The following CNTN5 variants were observed in gnomAD, a reference collection of about 807,000 sequenced individuals.
CNTN5 encodes the protein contactin 5.
CNTN5 carries 77 observed loss-of-function variants against 129.1 expected under a neutral mutation model. The observed-to-expected ratio is 0.60, with a 90% CI of 0.50 to 0.72. CNTN5 has a LOEUF of 0.72. Among genes scored for constraint, CNTN5 ranks in the 30% least tolerant of loss-of-function variants. The probability of loss-of-function intolerance (pLI) is 0.00; values close to 1 mark genes in which losing one functional copy is unlikely to be tolerated. For missense variants in CNTN5, 1,478 were observed against 1,328.8 expected, an observed-to-expected ratio of 1.11 and a Z score of -1.75; for synonymous variants, 509 against 465.6, an observed-to-expected ratio of 1.09 and a Z score of -1.20.
intron 3 of CNTN5, among the ~76,000 whole-genome samples, chr11:99,681,710 C>T (rs1953562846): frequency 6.6e-6 from 1 of 151,986 alleles, no homozygotes; most frequent in South Asian, 2.1e-4. Context: ...CAATAATTCC[C>T]AGGTACACCT....
intron 2 of CNTN5, among the ~76,000 whole-genome samples, chr11:99,512,507 C>A (rs1946876708): frequency 6.6e-6 from 1 of 152,120 alleles, no homozygotes; most frequent in Admixed American, 6.6e-5. Flanking sequence ...TGGTTTATTG[C>A]AGTTTGCAGA....
At chr11:99,879,609 T>C (rs1202196047) in intron 6 of CNTN5, among the ~76,000 whole-genome samples, 1 of 152,172 alleles carries the variant, frequency 6.6e-6, no homozygotes, top group Non-Finnish European at 1.5e-5. Flanking sequence ...TTTTCTGATT[T>C]GTTTCATTTT....
At chr11:99,264,578 A>G (rs1384494154) in intron 1 of CNTN5, among the ~76,000 whole-genome samples, 1 of 152,084 alleles carries the variant, frequency 6.6e-6, no homozygotes, top group African/African-American at 2.4e-5. Context: ...GTGATGCAAC[A>G]TGAAGATGAT....
Position 100,055,292 on chromosome 11 carries a change from T to TC in CNTN5, c.981-5919dup, listed in dbSNP as rs1196729753. The stretch of plus-strand genomic sequence containing the variant: ...ACATTAGCTTATGACTTCTTTTTTT[T>TC]CATTACATGCTCTTTTTGATCAGTA... On this transcript the variant is annotated intron_variant, in intron 9 of 24. Coordinates refer to ENST00000524871, the MANE Select transcript of CNTN5 (RefSeq NM_014361.4). Among the ~76,000 whole-genome samples, 3 of 151,822 alleles carry TC rather than the reference T, an allele frequency of 2.0e-5. No homozygotes were observed. In the East Asian group the frequency reaches 5.8e-4, roughly 29 times the overall value.
chr11:99,442,414 C>T (rs1565585597), intron 2 of CNTN5, among the ~76,000 whole-genome samples: 1 of 152,156 alleles, frequency 6.6e-6, no homozygotes, highest in African/African-American at 2.4e-5. Flanking sequence ...AGGTGATCCA[C>T]CCACCTTGGC....
chr11:99,851,201 T>C (rs1947863324), intron 6 of CNTN5, among the ~76,000 whole-genome samples: 1 of 152,092 alleles, frequency 6.6e-6, no homozygotes, highest in African/African-American at 2.4e-5. Flanking sequence ...TAACACTTAG[T>C]TTAGCATTAA....
chr11:99,739,609 G>C (rs1969211), intron 3 of CNTN5, among the ~76,000 whole-genome samples: 34,507 of 152,044 alleles, frequency 0.23, 4,279 homozygotes, highest in Admixed American at 0.35. Context: ...TGGAAAGGTG[G>C]AGGGGCTTGG....
At chr11:99,791,211 C>G (rs772934289) in intron 3 of CNTN5, among the ~76,000 whole-genome samples, 6 of 151,800 alleles carry the variant, frequency 4.0e-5, no homozygotes, top group Non-Finnish European at 5.9e-5. Flanking sequence ...GTCATGAACT[C>G]TTTCTCCATT....
intron 1 of CNTN5, among the ~76,000 whole-genome samples, chr11:99,235,041 C>A (rs540965996): frequency 1.3e-5 from 1 of 74,894 alleles, no homozygotes; most frequent in African/African-American, 8.1e-5. Flanking sequence ...GAAATGAAAC[C>A]TACCCTTTTT....
chr11:99,136,780 G>A (rs954205845), intron 1 of CNTN5, among the ~76,000 whole-genome samples: 2 of 27,962 alleles, frequency 7.2e-5, no homozygotes, highest in Non-Finnish European at 1.3e-4. Flanking sequence ...AAAGGACATG[G>A]GTTGTTTTAA....
intron 1 of CNTN5, among the ~76,000 whole-genome samples, chr11:99,216,983 G>T (rs1860159359): frequency 6.6e-6 from 1 of 152,078 alleles, no homozygotes; most frequent in Non-Finnish European, 1.5e-5. Context: ...AAGAAATCGA[G>T]ACCATCCTGA....
intron 20 of CNTN5, among the ~76,000 whole-genome samples, chr11:100,303,478 C>T (rs546161526): frequency 1.3e-5 from 2 of 151,638 alleles, no homozygotes; most frequent in Non-Finnish European, 3.0e-5. Context: ...ATGAAAAGAA[C>T]TGGAGCATTC....
At chr11:100,010,213 T>A (rs1435029494) in intron 9 of CNTN5, among the ~76,000 whole-genome samples, 1 of 152,094 alleles carries the variant, frequency 6.6e-6, no homozygotes, top group African/African-American at 2.4e-5. Context: ...GTGTGCTCAG[T>A]GTTTAAGTCC....
At chr11:100,284,719 G>A (rs1440611124) in intron 18 of CNTN5, among the ~76,000 whole-genome samples, 1 of 152,172 alleles carries the variant, frequency 6.6e-6, no homozygotes, top group East Asian at 1.9e-4. Context: ...TTGTCATTCA[G>A]AAAGGTCTGA....
intron 3 of CNTN5, among the ~76,000 whole-genome samples, chr11:99,786,351 G>A (rs1399431945): frequency 6.6e-6 from 1 of 151,562 alleles, no homozygotes; most frequent in Admixed American, 6.6e-5. Flanking sequence ...CAAGGAAATT[G>A]GAGGACACAA....
chr11:99,888,171 T>C (rs1948949458), intron 6 of CNTN5, among the ~76,000 whole-genome samples: 1 of 152,194 alleles, frequency 6.6e-6, no homozygotes, highest in African/African-American at 2.4e-5. Context: ...TACGAATCAT[T>C]ATCATCGTTC....
At chr11:99,256,508 A>T (rs886373250) in intron 1 of CNTN5, among the ~76,000 whole-genome samples, 1 of 152,092 alleles carries the variant, frequency 6.6e-6, no homozygotes, top group Non-Finnish European at 1.5e-5. Context: ...TTAGTTATTT[A>T]TAATGCATTT....
At chr11:99,737,338 T>C (rs1943745389) in intron 3 of CNTN5, among the ~76,000 whole-genome samples, 1 of 152,196 alleles carries the variant, frequency 6.6e-6, no homozygotes, top group Non-Finnish European at 1.5e-5. Context: ...AACGTTCTTA[T>C]AGTCCAAGGT....
At chr11:100,333,522 C>G (rs1951956870) in intron 21 of CNTN5, among the ~76,000 whole-genome samples, 1 of 151,854 alleles carries the variant, frequency 6.6e-6, no homozygotes, top group Non-Finnish European at 1.5e-5. Context: ...TCACATTTGC[C>G]TGACTTCAAA....
Sources: allele counts gnomAD v4.1 joint callset (sites outside exome capture counted in the v4.1 genomes callset), GRCh38; gene constraint gnomAD v4.1.1; transcripts MANE v1.5; gene names NCBI Gene and HGNC (gene_info 2026-07-23, HGNC 2026-07-21).